The following BBS9 variants were observed in gnomAD, a reference collection of about 807,000 sequenced individuals.
BBS9 encodes protein PTHB1.
In BBS9, 89 loss-of-function variants were observed where a neutral mutation model predicts 117.7. The observed-to-expected ratio is 0.76, with a 90% CI of 0.64 to 0.90. The LOEUF (loss-of-function observed/expected upper bound fraction) is 0.90, where lower values mean the gene tolerates loss of function less well. Among genes scored for constraint, BBS9 ranks in the 40% least tolerant of loss-of-function variants. The probability of loss-of-function intolerance (pLI) is 0.00; values close to 1 mark genes in which losing one functional copy is unlikely to be tolerated. For missense variants in BBS9, 982 were observed against 1,042.2 expected, an observed-to-expected ratio of 0.94 and a Z score of 0.80; for synonymous variants, 379 against 370.9, an observed-to-expected ratio of 1.02 and a Z score of -0.25.
intron 19 of BBS9, among the ~76,000 whole-genome samples, chr7:33,438,285 T>C (rs1314562470): frequency 6.6e-6 from 1 of 152,164 alleles, no homozygotes; most frequent in Non-Finnish European, 1.5e-5. Flanking sequence ...AAGGACTTCC[T>C]AAGCAAGTTA....
In BBS9 at chr7:33,566,306, A is replaced by AAT. The variant is rs34756234; in HGVS notation, c.2521+32145_2521+32146dup. Among the ~76,000 whole-genome samples, 141 of 128,844 alleles carry AAT rather than the reference A, an allele frequency of 1.1e-3. 1 individual carries two copies. Among genetic ancestry groups the AAT allele is most frequent in the East Asian group, 5.2e-3 (22 of 4,254 alleles). 84.5% of individuals were successfully genotyped at this position (128,844 alleles called of 152,430 possible). On this transcript the variant is annotated intron_variant, in intron 21 of 22. Transcript: ENST00000242067. ...TGCCAAGTTTGAAAGATATGCATGT[A>AAT]ATATATATATATATATTCACAATAC...
chr7:33,240,273 T>C (rs1794266979), intron 5 of BBS9, among the ~76,000 whole-genome samples: 1 of 151,922 alleles, frequency 6.6e-6, no homozygotes, highest in Non-Finnish European at 1.5e-5. Flanking sequence ...TTTTTTTTTT[T>C]TTGAGACAGG....
At chr7:33,392,769 T>G (rs1827272888) in intron 19 of BBS9, among the ~76,000 whole-genome samples, 2 of 152,226 alleles carry the variant, frequency 1.3e-5, no homozygotes, top group Non-Finnish European at 2.9e-5. Context: ...AACTTAAATT[T>G]TTGTTGTCAT....
intron 19 of BBS9, among the ~76,000 whole-genome samples, chr7:33,485,723 A>T (rs570727031): frequency 1.3e-4 from 20 of 152,346 alleles, no homozygotes; most frequent in Admixed American, 1.3e-3. Context: ...CCTTGACAAT[A>T]GTAGGCCAAA....
intron 20 of BBS9, among the ~76,000 whole-genome samples, chr7:33,528,655 A>C (rs1850062257): frequency 6.6e-6 from 1 of 152,200 alleles, no homozygotes; most frequent in Admixed American, 6.5e-5. Flanking sequence ...CACTTATATA[A>C]GTTTGGCATA....
chr7:33,352,878 G>T lies in BBS9; in HGVS notation c.1552+5G>T, dbSNP rs1818927271. On this transcript the variant is annotated splice_donor_5th_base_variant and intron_variant, in intron 15 of 22. Transcript: ENST00000242067. Reference sequence around the variant, plus strand: ...GGACAGATCGAAATCCTGATGGTAAGTGTAAAGATAATTTAGAAAAAAATG... The same window carrying T: ...GGACAGATCGAAATCCTGATGGTAATTGTAAAGATAATTTAGAAAAAAATG... The T allele has an allele frequency of 6.2e-7, 1 of 1,611,922 alleles. No homozygotes were observed. Among genetic ancestry groups the T allele is most frequent in the Non-Finnish European group, 8.5e-7 (1 of 1,178,256 alleles).
At chr7:33,281,967 AT>A (rs1163193011) in intron 9 of BBS9, among the ~76,000 whole-genome samples, 7 of 151,826 alleles carry the variant, frequency 4.6e-5, no homozygotes, top group African/African-American at 1.7e-4. Flanking sequence ...GGTACATGCC[AT>A]CACATCTGGC....
chr7:33,577,766 G>A (rs906190676), intron 21 of BBS9, among the ~76,000 whole-genome samples: 1 of 152,104 alleles, frequency 6.6e-6, no homozygotes, highest in African/African-American at 2.4e-5. Context: ...CATGGATGAA[G>A]CTGGAAACCA....
intron 20 of BBS9, among the ~76,000 whole-genome samples, chr7:33,527,051 A>C (rs1187889472): frequency 6.6e-6 from 1 of 151,632 alleles, no homozygotes; most frequent in Admixed American, 6.6e-5. Context: ...CCTCCCAGTT[A>C]GGCTGCTCGG....
At chr7:33,422,118 T>G (rs1225518832) in intron 19 of BBS9, among the ~76,000 whole-genome samples, 1 of 152,178 alleles carries the variant, frequency 6.6e-6, no homozygotes, top group Non-Finnish European at 1.5e-5. Flanking sequence ...GGAAAGTGCT[T>G]TTTCTTGTAA....
intron 4 of BBS9, among the ~76,000 whole-genome samples, chr7:33,173,133 G>T (rs1263903379): frequency 1.3e-5 from 2 of 152,104 alleles, no homozygotes; most frequent in African/African-American, 2.4e-5. Context: ...AAGGAATAGG[G>T]GGAAGAAAGC....
chr7:33,255,041 A>C (rs988229213), intron 5 of BBS9, among the ~76,000 whole-genome samples: 1 of 152,050 alleles, frequency 6.6e-6, no homozygotes, highest in Non-Finnish European at 1.5e-5. Flanking sequence ...TGAGCTTCTT[A>C]TATCTTTTAG....
In BBS9 at chr7:33,349,102, C is replaced by A. The variant is rs764873070; in HGVS notation, c.1364C>A (p.Ala455Asp). ...CAGAACAGAGTGATATTGCAAAAAGCCAAATTATCAGTCTACGTGCAACCA... is the reference window on the plus strand; with the variant it reads ...CAGAACAGAGTGATATTGCAAAAAGACAAATTATCAGTCTACGTGCAACCA... ...TLQNRVILQK[A>D]KLSVYVQPPL... The change falls in exon 13 of 23, where the codon GCC (alanine) becomes GAC (aspartate). Residue 455 changes from alanine to aspartate, a missense_variant. By Grantham distance (126) the Ala-to-Asp change is moderately radical. Coordinates refer to ENST00000242067, the MANE Select transcript of BBS9 (RefSeq NM_198428.3). 1.2e-6 allele frequency: 2 copies of A among 1,612,954 alleles called. No homozygotes were observed. Among genetic ancestry groups the A allele is most frequent in the East Asian group, 2.2e-5 (1 of 44,786 alleles).
intron 19 of BBS9, among the ~76,000 whole-genome samples, chr7:33,406,714 G>A (rs1352023932): frequency 3.9e-5 from 6 of 152,076 alleles, no homozygotes; most frequent in Non-Finnish European, 5.9e-5. Context: ...GGCTGGATAT[G>A]AAATTCTGGG....
chr7:33,175,353 G>C (rs930574188), intron 4 of BBS9, among the ~76,000 whole-genome samples: 6 of 151,778 alleles, frequency 4.0e-5, no homozygotes, highest in African/African-American at 1.5e-4. Flanking sequence ...TTAACCATTT[G>C]TGGGGACCAT....
intron 17 of BBS9, among the ~76,000 whole-genome samples, chr7:33,377,817 C>T (rs1584558249): frequency 6.6e-6 from 1 of 152,062 alleles, no homozygotes; most frequent in East Asian, 1.9e-4. Flanking sequence ...TGATTCGGCT[C>T]TTGGCTTTAT....
At chr7:33,440,340 A>G (rs1156391054) in intron 19 of BBS9, among the ~76,000 whole-genome samples, 3 of 152,198 alleles carry the variant, frequency 2.0e-5, no homozygotes, top group African/African-American at 4.8e-5. Context: ...TCATCAGTAC[A>G]TGGTATATGT....
At chr7:33,326,691 T>C (rs1812928297) in intron 9 of BBS9, among the ~76,000 whole-genome samples, 1 of 151,702 alleles carries the variant, frequency 6.6e-6, no homozygotes, top group African/African-American at 2.4e-5. Context: ...CTTTAATCAG[T>C]AGGTAATGAA....
At chr7:33,405,276 G>A (rs1231925547) in intron 19 of BBS9, among the ~76,000 whole-genome samples, 2 of 152,166 alleles carry the variant, frequency 1.3e-5, no homozygotes, top group Admixed American at 6.5e-5. Context: ...TTGCATCAAT[G>A]TTCATCAAGG....
Sources: allele counts gnomAD v4.1 joint callset (sites outside exome capture counted in the v4.1 genomes callset), GRCh38; gene constraint gnomAD v4.1.1; transcripts MANE v1.5; gene names NCBI Gene and HGNC (gene_info 2026-07-23, HGNC 2026-07-21).